SNX12: variants seen among roughly 807,000 people sequenced by gnomAD.
The protein encoded by SNX12 is sorting nexin-12.
For missense variants in SNX12, 62 were observed against 141.3 expected (o/e 0.44, Z 2.84); for synonymous variants, 47 against 56.0 (o/e 0.84, Z 0.71).
chrX:71,066,147 C>T (rs190744001), intron 1 of SNX12, among the ~76,000 whole-genome samples: 3 of 112,391 alleles, frequency 2.7e-5, no homozygotes, highest in East Asian at 2.8e-4. Flanking sequence ...GTTATAGTTA[C>T]GTGTACTTGG....
At chrX:71,071,280 AATG>A (rs763392338), upstream of SNX12, among the ~76,000 whole-genome samples, 1 of 103,083 alleles carries the variant, frequency 9.7e-6, no homozygotes, top group South Asian at 4.0e-4. Flanking sequence ...GTTGATACAG[AATG>A]ATGTCCATGA....
At chrX:71,071,522 T>TTTATATATATTATATATATAATATTC (rs1569477434), upstream of SNX12, among the ~76,000 whole-genome samples, 2,416 of 35,033 alleles carry the variant, frequency 0.069, 181 homozygotes, top group African/African-American at 0.27. Flanking sequence ...TTAATTTATA[T>TTTATATATATTATATATATAATATTC]ATATATTTAT....
intron 1 of SNX12, among the ~76,000 whole-genome samples, chrX:71,065,372 A>AAAT (rs1209716960): frequency 4.7e-5 from 5 of 105,731 alleles, no homozygotes; most frequent in African/African-American, 1.7e-4. Flanking sequence ...AAAAAAAAAA[A>AAAT]AAAAGAATAA....
At position 71,060,285 on chromosome X, in the gene SNX12, G is replaced by A. The variant is rs2092126461; in HGVS notation, c.*731C>T. ...GGCCCATACTGACTCACCAGCTGAT[G>A]AGCAAAAATAGGCAGCTAGAGTGGG... On this transcript the variant is annotated 3_prime_UTR_variant, in exon 4 of 4. Transcript: ENST00000374274. The A allele has an allele frequency of 8.9e-6, 1 of 111,760 alleles. No individual in the cohort carries two copies. The highest frequency in any genetic ancestry group is 1.9e-5 in the Non-Finnish European group (1 of 53,262). The allele number at this position is 111,760 out of a possible 1,213,427, so 9.2% of individuals were successfully genotyped here.
chrX:71,070,401 G>A (rs148152069), upstream of SNX12, among the ~76,000 whole-genome samples: 2,002 of 111,900 alleles, frequency 0.018, 41 homozygotes, highest in African/African-American at 0.061. Flanking sequence ...CGACTTGTAC[G>A]TGATTAGATA....
chrX:71,071,597 A>ATATATTATATATAAATATATAATAAT (rs1569477479), upstream of SNX12, among the ~76,000 whole-genome samples: 1,867 of 49,087 alleles, frequency 0.038, 157 homozygotes, highest in African/African-American at 0.17. Context: ...TATAATATTT[A>ATATATTATATATAAATATATAATAAT]TATATATTAT....
chrX:71,062,987 T>C (rs749839882), intron 1 of SNX12, 38 bp from the exon 2 acceptor site: 16 of 952,186 alleles, frequency 1.7e-5, no homozygotes, highest in South Asian at 1.4e-4. Flanking sequence ...AAGATGGTAA[T>C]GTTCAGCCTG....
chrX:71,071,703 T>TG (rs1344327735), upstream of SNX12, among the ~76,000 whole-genome samples: 4 of 71,535 alleles, frequency 5.6e-5, no homozygotes, highest in African/African-American at 2.3e-4. Context: ...AAATATATAA[T>TG]ATATAGATAT....
chrX:71,067,301 A>G (rs904993723), intron 1 of SNX12, among the ~76,000 whole-genome samples: 2 of 112,256 alleles, frequency 1.8e-5, no homozygotes, highest in African/African-American at 6.5e-5. Context: ...GACCAGGGTC[A>G]GAATCCAAAA....
chrX:71,067,986 C>A (rs1312165005), intron 1 of SNX12, among the ~76,000 whole-genome samples, 156 bp downstream of exon 1: 4 of 110,378 alleles, frequency 3.6e-5, no homozygotes, highest in Non-Finnish European at 7.6e-5. Flanking sequence ...ACAACTGAAT[C>A]GGCAGACCTC....
rs16989247 is a variant in SNX12, at chrX:71,062,914, G to A, written c.201C>T (p.Cys67=). 13,237 of 1,203,972 alleles carry A rather than the reference G, an allele frequency of 0.011. 445 individuals carry two copies. The African/African-American group carries it at 0.12, about 11-fold the overall frequency. Reference sequence around the variant, plus strand: ...CAAAGTCACTGTAGCGCCGCCGTACGCAGGACTCCTTTAGCTTGAAGATAG... The same window carrying A: ...CAAAGTCACTGTAGCGCCGCCGTACACAGGACTCCTTTAGCTTGAAGATAG... ...NLPIFKLKES[C]VRRRYSDFEW... The change falls in exon 2 of 4, where the codon TGC becomes TGT. Residue 67 remains cysteine, a synonymous_variant. Transcript: ENST00000374274.
chrX:71,071,552 A>AATATATAATATTTATATATTATATATAT (rs1569477454), upstream of SNX12, among the ~76,000 whole-genome samples: 28 of 48,393 alleles, frequency 5.8e-4, no homozygotes, highest in African/African-American at 4.8e-3. Flanking sequence ...TATTATATAT[A>AATATATAATATTTATATATTATATATAT]AATATATAAT....
At chrX:71,062,816 C>T (rs910954911) in intron 2 of SNX12, 38 bp downstream of exon 2, 17 of 981,877 alleles carry the variant, frequency 1.7e-5, no homozygotes, top group Non-Finnish European at 1.9e-5. Context: ...ATGCAGAGCT[C>T]CTCCTCCAAA....
upstream of SNX12, among the ~76,000 whole-genome samples, chrX:71,071,583 A>ATATTCATATATTTATATTT (rs1248727451): frequency 4.2e-5 from 2 of 47,136 alleles, no homozygotes; most frequent in Non-Finnish European, 5.8e-5. Context: ...TATATATATA[A>ATATTCATATATTTATATTT]ATATATAATA....
chrX:71,072,504 C>G (rs1267227273), upstream of SNX12, among the ~76,000 whole-genome samples: 2 of 111,046 alleles, frequency 1.8e-5, no homozygotes, highest in African/African-American at 3.3e-5. Context: ...GGAGTAGAAT[C>G]CAGATCATAG....
chrX:71,065,832 G>A (rs375840165), intron 1 of SNX12, among the ~76,000 whole-genome samples: 5 of 107,709 alleles, frequency 4.6e-5, no homozygotes, highest in African/African-American at 1.7e-4. Context: ...TTAGCCAGGT[G>A]TGGTGGCACC....
chrX:71,062,977 A>G, intron 1 of SNX12, 28 bp from the exon 2 acceptor site: 1 of 1,034,185 alleles, frequency 9.7e-7, no homozygotes, highest in Non-Finnish European at 1.3e-6. Context: ...TTAAAGAAGA[A>G]AGATGGTAAT....
upstream of SNX12, chrX:71,068,530 A>G (rs1023190487): frequency 6.3e-5 from 17 of 271,528 alleles, no homozygotes; most frequent in East Asian, 6.4e-4. Context: ...TGGAGGCCAT[A>G]TTCAGGCTTC....
chrX:71,062,108 T>C (rs1287978566), intron 2 of SNX12, 141 bp from the exon 3 acceptor site: 4 of 496,002 alleles, frequency 8.1e-6, no homozygotes, highest in African/African-American at 4.9e-5. Context: ...ACTAAGACCA[T>C]AAGAACAGTC....
Sources: allele counts gnomAD v4.1 joint callset (sites outside exome capture counted in the v4.1 genomes callset), GRCh38; gene constraint gnomAD v4.1.1; transcripts MANE v1.5; gene names NCBI Gene and HGNC (gene_info 2026-07-23, HGNC 2026-07-21).